Variants in CDO1 observed in about 807,000 individuals in gnomAD.
CDO1 encodes the protein cysteine dioxygenase, type I.
In CDO1, 19 loss-of-function variants were observed where a neutral mutation model predicts 24.5. The observed-to-expected ratio is 0.77, with a 90% CI of 0.54 to 1.14. The LOEUF is 1.14. CDO1 is among the 50% of genes most tolerant of loss of function. The pLI, the probability that CDO1 is intolerant of heterozygous loss-of-function variation, is 0.00. For missense variants in CDO1, 244 were observed against 244.8 expected (o/e 1.00, Z 0.02); for synonymous variants, 91 against 87.0 (o/e 1.05, Z -0.26).
Position 115,806,501 on chromosome 5 carries a change from G to C in CDO1, c.421C>G (p.Arg141Gly), listed in dbSNP as rs781161372. Residue 141 changes from arginine (R) to glycine (G), a missense_variant, in exon 4 of 5, where the codon CGA becomes GGA. Coordinates refer to ENST00000250535, the MANE Select transcript of CDO1 (RefSeq NM_001801.3). ...TCCGTATGGCTGATGTTCTCTACTC[G>C]ATGTAAGCCAATGGAATCTAAACAA... ...AYINDSIGLH[R>G]VENISHTEPA... 3 of 1,607,128 alleles carry C rather than the reference G, an allele frequency of 1.9e-6. No homozygotes were observed. The highest frequency in any genetic ancestry group is 1.7e-5 in the Admixed American group (1 of 58,270).
Position 115,816,370 on chromosome 5 carries a change from G to A in CDO1, c.28C>T (p.Arg10Trp). ...ATGCGGATCAGATCAGCCAGGGTCC[G>A]TGGCTTCAGCACTTCGGTCTGTTCC... is the stretch of plus-strand genomic sequence containing the variant. MEQTEVLKPRTLADLIRILH... is the reference protein window; with the variant it reads MEQTEVLKPWTLADLIRILH... Residue 10 changes from arginine (R) to tryptophan (W), a missense_variant, in exon 1 of 5, where the codon CGG becomes TGG. Coordinates refer to ENST00000250535, the MANE Select transcript of CDO1 (RefSeq NM_001801.3). The A allele has an allele frequency of 6.2e-7, 1 of 1,613,692 alleles. No individual in the cohort carries two copies. Among genetic ancestry groups the A allele is most frequent in the Non-Finnish European group, 8.5e-7 (1 of 1,180,002 alleles).
Position 115,816,490 on chromosome 5 carries a change from G to A in CDO1, c.-93C>T. 7.3e-7 allele frequency: 1 copy of A among 1,373,636 alleles called. No individual in the cohort carries two copies. The highest frequency in any genetic ancestry group is 1.0e-6 in the Non-Finnish European group (1 of 985,368). 85.1% of individuals were successfully genotyped at this position (1,373,636 alleles called of 1,614,324 possible). On this transcript the variant is annotated 5_prime_UTR_variant, in exon 1 of 5. Coordinates refer to ENST00000250535, the MANE Select transcript of CDO1 (RefSeq NM_001801.3). Reference sequence around the variant, plus strand: ...GAGCTGGGGGCGAGGGAGCCTAACAGCCCGCTAGACCGCTAAGCAGACACA... The same window carrying A: ...GAGCTGGGGGCGAGGGAGCCTAACAACCCGCTAGACCGCTAAGCAGACACA...
chr5:115,805,580 C>T (rs1037653866), intron 4 of CDO1, 118 bp from the exon 5 acceptor site: 1 of 838,908 alleles, frequency 1.2e-6, no homozygotes, highest in African/African-American at 1.7e-5. Flanking sequence ...GGCAAGGGAG[C>T]CTTGTTGTTT....
chr5:115,808,337 G>A (rs1315095523), intron 3 of CDO1, among the ~76,000 whole-genome samples: 2 of 152,112 alleles, frequency 1.3e-5, no homozygotes, highest in Non-Finnish European at 2.9e-5. Flanking sequence ...TACCCTCATG[G>A]TTCTGAGGGA....
chr5:115,807,863 A>G (rs1760014691), intron 3 of CDO1, among the ~76,000 whole-genome samples: 1 of 152,286 alleles, frequency 6.6e-6, no homozygotes, highest in Non-Finnish European at 1.5e-5. Context: ...AAGATACATC[A>G]CTGTGAAATT....
intron 3 of CDO1, among the ~76,000 whole-genome samples, chr5:115,809,462 A>T (rs1002105780): frequency 6.6e-6 from 1 of 152,076 alleles, no homozygotes; most frequent in Admixed American, 6.5e-5. Flanking sequence ...ATTCCCAATT[A>T]TAACTCTGCT....
In CDO1 at chr5:115,813,275, T is replaced by C. The variant is rs755492544; in HGVS notation, c.171-17A>G. 7.9e-6 allele frequency: 11 copies of C among 1,390,866 alleles called. No homozygotes were observed. The highest frequency in any genetic ancestry group is 1.1e-5 in the Non-Finnish European group (11 of 980,178). The allele number at this position is 1,390,866 out of a possible 1,614,324, so 86.2% of individuals were successfully genotyped here. On this transcript the variant is annotated splice_polypyrimidine_tract_variant and intron_variant, in intron 1 of 4. Transcript: ENST00000250535. Reference sequence around the variant, plus strand: ...CGGGTATACCTAAAAAAAAACAATATATTCAGAAGTTTTAAGTTCGTTGCT... The same window carrying C: ...CGGGTATACCTAAAAAAAAACAATACATTCAGAAGTTTTAAGTTCGTTGCT...
intron 2 of CDO1, among the ~76,000 whole-genome samples, chr5:115,812,115 T>G (rs1760214325): frequency 2.0e-5 from 3 of 152,184 alleles, no homozygotes; most frequent in African/African-American, 7.2e-5. Context: ...AGAATTTGTT[T>G]CCTAAATCCA....
At position 115,805,476 on chromosome 5, in the gene CDO1, A is replaced by G. The variant is rs1182167264; in HGVS notation, c.574-14T>C. ...GCCCGAAGTTGCCTGTAAAAAAGGG[A>G]AAAAAAGAAAGCTGTGTAAGAAACT... On this transcript the variant is annotated splice_polypyrimidine_tract_variant and intron_variant, in intron 4 of 4. Coordinates refer to ENST00000250535, the MANE Select transcript of CDO1 (RefSeq NM_001801.3). 1 of 1,611,732 alleles carries G rather than the reference A, an allele frequency of 6.2e-7. No homozygotes were observed. Among genetic ancestry groups the G allele is most frequent in the Non-Finnish European group, 8.5e-7 (1 of 1,178,068 alleles).
Position 115,805,300 on chromosome 5 carries a change from C to T in CDO1, c.*133G>A. On this transcript the variant is annotated 3_prime_UTR_variant, in exon 5 of 5. Coordinates refer to ENST00000250535, the MANE Select transcript of CDO1 (RefSeq NM_001801.3). ...TGCTTACTTAATGCCTTATAATTAG[C>T]ATCTGCCTTACAGTAGATCTAAGTA... 2.9e-6 allele frequency: 2 copies of T among 693,656 alleles called. No individual in the cohort carries two copies. The highest frequency in any genetic ancestry group is 4.9e-6 in the Non-Finnish European group (2 of 407,020). 43.0% of individuals were successfully genotyped at this position (693,656 alleles called of 1,614,324 possible).
intron 3 of CDO1, among the ~76,000 whole-genome samples, chr5:115,809,011 T>C (rs1760073027): frequency 6.6e-6 from 1 of 152,134 alleles, no homozygotes. Flanking sequence ...GATCTTTCAT[T>C]TTCCTTATTT....
At position 115,815,231 on chromosome 5, in the gene CDO1, C is replaced by A. The variant is rs143686047; in HGVS notation, c.170+997G>T. On this transcript the variant is annotated intron_variant, in intron 1 of 4. Transcript: ENST00000250535. The stretch of plus-strand genomic sequence containing the variant: ...TTCTCCTAACCCTAAACCCAAAAAA[C>A]CACAAAGACTGACGCACTAACTGCT... Among the ~76,000 whole-genome samples, 9 of 152,296 alleles carry A rather than the reference C, an allele frequency of 5.9e-5. No individual in the cohort carries two copies. The East Asian group carries it at 7.7e-4, about 13-fold the overall frequency.
At chr5:115,806,320 C>A (rs1338635993) in intron 4 of CDO1, 29 bp downstream of exon 4, 5 of 1,549,428 alleles carry the variant, frequency 3.2e-6, no homozygotes, top group African/African-American at 1.4e-5. Flanking sequence ...ACCTACAGAG[C>A]ATTTAAACCT....
chr5:115,808,983 A>G (rs1760071917), intron 3 of CDO1, among the ~76,000 whole-genome samples: 1 of 152,176 alleles, frequency 6.6e-6, no homozygotes, highest in Admixed American at 6.5e-5. Flanking sequence ...CTATCTTTGA[A>G]CAAGCCACAC....
chr5:115,808,917 A>G (rs1393037835), intron 3 of CDO1, among the ~76,000 whole-genome samples: 5 of 152,228 alleles, frequency 3.3e-5, no homozygotes, highest in African/African-American at 1.2e-4. Context: ...CATCATAAAG[A>G]AGAATGAAGC....
intron 3 of CDO1, among the ~76,000 whole-genome samples, chr5:115,810,857 G>C (rs1372939832): frequency 6.6e-6 from 1 of 152,144 alleles, no homozygotes; most frequent in East Asian, 1.9e-4. Context: ...TTTCCAACTT[G>C]ATCTCTTTTG....
At chr5:115,809,872 T>G (rs1760110158) in intron 3 of CDO1, among the ~76,000 whole-genome samples, 1 of 152,198 alleles carries the variant, frequency 6.6e-6, no homozygotes, top group Non-Finnish European at 1.5e-5. Flanking sequence ...TGGAGCTGGG[T>G]GGCCACTGCT....
intron 3 of CDO1, chr5:115,809,824 T>C (rs1193190597): frequency 6.6e-6 from 1 of 152,174 alleles, no homozygotes; most frequent in African/African-American, 2.4e-5. Context: ...ACCCAGAATT[T>C]CCAACTTCTA....
chr5:115,811,361 A>T, intron 2 of CDO1, 46 bp from the exon 3 acceptor site: 1 of 1,430,302 alleles, frequency 7.0e-7, no homozygotes, highest in Non-Finnish European at 9.8e-7. Flanking sequence ...ATGGTCTAGT[A>T]TCCAGACCTG....
Sources: gnomAD v4.1 joint callset for allele counts (sites outside exome capture counted in the v4.1 genomes callset) on GRCh38, gnomAD v4.1.1 for gene constraint, MANE v1.5 for transcripts, NCBI Gene and HGNC (gene_info 2026-07-23, HGNC 2026-07-21) for gene names.